The following PIWIL4 variants were observed in gnomAD, a reference collection of about 807,000 sequenced individuals.
PIWIL4 encodes the protein piwi-like protein 4.
PIWIL4 carries 50 observed loss-of-function variants against 100.9 expected under a neutral mutation model. The observed-to-expected ratio is 0.50, with a 90% CI of 0.39 to 0.63. The LOEUF (loss-of-function observed/expected upper bound fraction) is 0.63. Among genes scored for constraint, PIWIL4 ranks in the 20% least tolerant of loss-of-function variants. The pLI is 0.00. For synonymous variants in PIWIL4, 342 were observed against 367.5 expected (o/e 0.93, Z 0.79); for missense variants, 887 against 1,043.3 (o/e 0.85, Z 2.06).
Position 94,620,095 on chromosome 11 carries a change from A to G in PIWIL4, c.2393A>G (p.His798Arg), listed in dbSNP as rs751309864. Reference sequence around the variant, plus strand: ...GATGACAACGGCTTGAAGCCCGACCATATGCAGAGACTTACATTCAAATTG... The same window carrying G: ...GATGACAACGGCTTGAAGCCCGACCGTATGCAGAGACTTACATTCAAATTG... ...IYDDNGLKPD[H>R]MQRLTFKLCH... The change falls in exon 19 of 20, where the codon CAT becomes CGT. Residue 798 changes from histidine to arginine, a missense_variant. Coordinates refer to ENST00000299001, the MANE Select transcript of PIWIL4 (RefSeq NM_152431.3). 6.2e-7 allele frequency: 1 copy of G among 1,612,824 alleles called. No homozygotes were observed. The highest frequency in any genetic ancestry group is 8.5e-7 in the Non-Finnish European group (1 of 1,179,454).
intron 8 of PIWIL4, among the ~76,000 whole-genome samples, chr11:94,591,955 A>G (rs929175413): frequency 6.6e-6 from 1 of 151,388 alleles, no homozygotes; most frequent in African/African-American, 2.5e-5. Context: ...GTTCTTGACC[A>G]TGCTCCAGCT....
chr11:94,577,554 C>T (rs1948255148), intron 4 of PIWIL4, 62 bp downstream of exon 4: 1 of 1,265,186 alleles, frequency 7.9e-7, no homozygotes, highest in East Asian at 2.3e-5. Context: ...TGTGTATACA[C>T]ACACACATAT....
intron 8 of PIWIL4, among the ~76,000 whole-genome samples, chr11:94,591,377 C>A (rs1368582999): frequency 6.6e-6 from 1 of 152,214 alleles, no homozygotes; most frequent in Non-Finnish European, 1.5e-5. Context: ...ACTTTGCTTT[C>A]TGTCACACAC....
At chr11:94,620,350 C>A (rs1033006661) in intron 19 of PIWIL4, among the ~76,000 whole-genome samples, 1 of 152,158 alleles carries the variant, frequency 6.6e-6, no homozygotes, top group African/African-American at 2.4e-5. Flanking sequence ...AACAAAATAA[C>A]AATAACTATT....
intron 15 of PIWIL4, among the ~76,000 whole-genome samples, chr11:94,608,953 A>T (rs1948758372): frequency 1.3e-5 from 2 of 152,184 alleles, no homozygotes; most frequent in African/African-American, 4.8e-5. Context: ...ATTCTTGTGC[A>T]TTTATTTATT....
chr11:94,607,361 T>C (rs1349658270), intron 13 of PIWIL4, 78 bp from the exon 14 acceptor site: 1 of 1,283,728 alleles, frequency 7.8e-7, no homozygotes, highest in Non-Finnish European at 1.1e-6. Context: ...GAATAATTCA[T>C]GAATTCATTT....
chr11:94,620,291 A>G (rs1948892013), intron 19 of PIWIL4, 147 bp downstream of exon 19: 2 of 956,194 alleles, frequency 2.1e-6, no homozygotes, highest in Non-Finnish European at 3.0e-6. Flanking sequence ...GAATCAATGA[A>G]TGAATCACTT....
In PIWIL4 at chr11:94,583,511, AG is replaced by A. The variant is rs867330921; in HGVS notation, c.580del (p.Glu194SerfsTer70). 1 of 1,613,856 alleles carries A rather than the reference AG, an allele frequency of 6.2e-7. No individual in the cohort carries two copies. The highest frequency in any genetic ancestry group is 8.5e-7 in the Non-Finnish European group (1 of 1,179,820). ...ETIKMTITLK[R>X]ELPSSSPVCI... ...TATAAAGATGACTATCACCCTGAAG[AG>A]GGAGCTGCCATCAAGTTCTCCCGTG... On this transcript the variant is annotated frameshift_variant, in exon 5 of 20. Transcript: ENST00000299001. LOFTEE classifies it high-confidence loss of function.
At chr11:94,571,501 G>GT (rs1252785744) in intron 2 of PIWIL4, among the ~76,000 whole-genome samples, 1 of 152,050 alleles carries the variant, frequency 6.6e-6, no homozygotes, top group Non-Finnish European at 1.5e-5. Flanking sequence ...TGTTCTCATT[G>GT]TTTAATTCCC....
At chr11:94,573,006 T>A (rs1481969646) in intron 2 of PIWIL4, among the ~76,000 whole-genome samples, 1 of 152,186 alleles carries the variant, frequency 6.6e-6, no homozygotes, top group Non-Finnish European at 1.5e-5. Context: ...GTCATTCACA[T>A]CCCTGTAAGT....
At chr11:94,613,538 A>G (rs544259007) in intron 15 of PIWIL4, among the ~76,000 whole-genome samples, 1 of 152,312 alleles carries the variant, frequency 6.6e-6, no homozygotes, top group East Asian at 1.9e-4. Flanking sequence ...TTCTTGAAAT[A>G]AGCTTTCCAC....
chr11:94,578,258 A>G (rs1948266493), intron 4 of PIWIL4, among the ~76,000 whole-genome samples: 1 of 152,158 alleles, frequency 6.6e-6, no homozygotes, highest in African/African-American at 2.4e-5. Flanking sequence ...TCTTAATACC[A>G]TTTATTTAAA....
intron 9 of PIWIL4, among the ~76,000 whole-genome samples, chr11:94,595,073 G>A (rs546439037): frequency 6.6e-6 from 1 of 152,350 alleles, no homozygotes; most frequent in East Asian, 1.9e-4. Context: ...ATGATAATAT[G>A]TTGGATATAC....
chr11:94,619,412 T>C (rs1161153857), intron 17 of PIWIL4, among the ~76,000 whole-genome samples: 1 of 151,968 alleles, frequency 6.6e-6, no homozygotes, highest in Non-Finnish European at 1.5e-5. Context: ...GGAAAATAGG[T>C]TGAGTCACTA....
At chr11:94,584,795 T>C (rs969431424) in intron 5 of PIWIL4, among the ~76,000 whole-genome samples, 2 of 152,198 alleles carry the variant, frequency 1.3e-5, no homozygotes, top group African/African-American at 4.8e-5. Flanking sequence ...GCTGGGCCGG[T>C]GGCTCACACC....
chr11:94,577,059 C>T (rs1447167804), intron 3 of PIWIL4, among the ~76,000 whole-genome samples: 1 of 152,110 alleles, frequency 6.6e-6, no homozygotes, highest in Admixed American at 6.5e-5. Flanking sequence ...AGTGTCTGCT[C>T]GTATGTTCTT....
At chr11:94,572,771 C>T (rs11020835) in intron 2 of PIWIL4, among the ~76,000 whole-genome samples, 2 of 151,994 alleles carry the variant, frequency 1.3e-5, no homozygotes, top group African/African-American at 2.4e-5. Flanking sequence ...TGGCAATGTG[C>T]GTTCTTTTTT....
chr11:94,598,060 T>C, intron 11 of PIWIL4, 145 bp downstream of exon 11: 1 of 618,426 alleles, frequency 1.6e-6, no homozygotes, highest in East Asian at 2.8e-5. Context: ...TCAGATCCCC[T>C]GTGGTTTCCT....
At chr11:94,576,294 C>G (rs1948235993) in intron 3 of PIWIL4, among the ~76,000 whole-genome samples, 1 of 152,104 alleles carries the variant, frequency 6.6e-6, no homozygotes, top group Non-Finnish European at 1.5e-5. Context: ...GCCACCATGC[C>G]CAGTTAATTT....
Sources: allele counts gnomAD v4.1 joint callset (sites outside exome capture counted in the v4.1 genomes callset), GRCh38; gene constraint gnomAD v4.1.1; transcripts MANE v1.5; gene names NCBI Gene and HGNC (gene_info 2026-07-23, HGNC 2026-07-21).